Variants in SNX32 observed in about 807,000 individuals in gnomAD.
SNX32 encodes sorting nexin 32, also known as sorting nexin-32.
SNX32 carries 58 observed loss-of-function variants against 57.0 expected under a neutral mutation model. That is an observed-to-expected ratio of 1.02 (90% CI 0.82 to 1.27). The LOEUF (loss-of-function observed/expected upper bound fraction) is 1.27. Ranked by LOEUF, SNX32 falls within the 50% of genes most tolerant of loss-of-function variation. The pLI is 0.00. For synonymous variants in SNX32, 262 were observed against 220.4 expected (o/e 1.19, Z -1.67); for missense variants, 589 against 541.2 (o/e 1.09, Z -0.88).
Position 65,852,508 on chromosome 11 carries a change from C to G in SNX32, c.869C>G (p.Ser290Ter). The G allele has an allele frequency of 6.2e-7, 1 of 1,614,210 alleles. No individual in the cohort carries two copies. ...GCTTCCGATGAGGACCTGAAGCTGT[C>G]AGACATGCTGAGGTACTACATGCGT... ...RVASDEDLKL[S>*]DMLRYYMRDS... Residue 290 changes from serine to a stop codon, truncating the protein, a stop_gained, in exon 10 of 13, where the codon TCA becomes TGA. Transcript: ENST00000308342. LOFTEE classifies it high-confidence loss of function.
Position 65,850,340 on chromosome 11 carries a change from T to C in SNX32, c.374+69T>C, listed in dbSNP as rs184230367. 5.0e-6 allele frequency: 8 copies of C among 1,613,564 alleles called. No individual in the cohort carries two copies. The East Asian group carries it at 1.3e-4, about 27-fold the overall frequency. On this transcript the variant is annotated intron_variant, in intron 4 of 12. Coordinates refer to ENST00000308342, the MANE Select transcript of SNX32 (RefSeq NM_152760.3). Reference sequence around the variant, plus strand: ...TCTTCCCCAGCTATCTCCCCATGAATGTTTAGCAACCCTGACCTCTGACCC... The same window carrying C: ...TCTTCCCCAGCTATCTCCCCATGAACGTTTAGCAACCCTGACCTCTGACCC...
At chr11:65,841,329 TG>T (rs1858835649) in intron 1 of SNX32, among the ~76,000 whole-genome samples, 1 of 151,196 alleles carries the variant, frequency 6.6e-6, no homozygotes, top group African/African-American at 2.4e-5. Flanking sequence ...CTCGACCTTC[TG>T]GGCTCAAGCG....
In SNX32 at chr11:65,853,400, C is replaced by T. The variant is rs1859292669; in HGVS notation, c.*65C>T. 1.3e-6 allele frequency: 2 copies of T among 1,520,542 alleles called. No homozygotes were observed. The highest frequency in any genetic ancestry group is 3.3e-5 in the Admixed American group (2 of 59,810). 94.2% of individuals were successfully genotyped at this position (1,520,542 alleles called of 1,614,324 possible). A position where few individuals can be genotyped will look rare whatever the true frequency, so the allele number is the denominator to read the frequency against. ...AGTGACCAGGGTATCCCAGACCCCT[C>T]TCTCCGGCAAGATGTCTCCTTCCCT... On this transcript the variant is annotated 3_prime_UTR_variant, in exon 13 of 13. Transcript: ENST00000308342.
At chr11:65,851,184 G>C (rs1456477704) in intron 7 of SNX32, 24 bp downstream of exon 7, 2 of 1,608,182 alleles carry the variant, frequency 1.2e-6, no homozygotes, top group South Asian at 1.1e-5. Flanking sequence ...AAGGGGTCCT[G>C]GATCCCCCTG....
rs1591044150 is a variant in SNX32, at chr11:65,853,656, C to A, written c.*321C>A. On this transcript the variant is annotated 3_prime_UTR_variant, in exon 13 of 13. Coordinates refer to ENST00000308342, the MANE Select transcript of SNX32 (RefSeq NM_152760.3). ...CTGAAGGAATCATAGCTCACTTGAT[C>A]CCGGCCTGTTCTCCTTCGCAAATAA... is the stretch of plus-strand genomic sequence containing the variant. 1.4e-5 allele frequency: 6 copies of A among 423,002 alleles called. No individual in the cohort carries two copies. The highest frequency in any genetic ancestry group is 8.4e-5 in the East Asian group (2 of 23,740). The allele number at this position is 423,002 out of a possible 1,614,324, so 26.2% of individuals were successfully genotyped here.
chr11:65,850,421 ACT>A lies in SNX32; in HGVS notation c.375-6_375-5del. On this transcript the variant is annotated splice_region_variant and splice_polypyrimidine_tract_variant and intron_variant, in intron 4 of 12. Coordinates refer to ENST00000308342, the MANE Select transcript of SNX32 (RefSeq NM_152760.3). ...TGAGGAGGGCCGGTGAGCTGCTGCC[ACT>A]CTCGCAGGGAGTACCTGGCCATCTT... 6.2e-7 allele frequency: 1 copy of A among 1,613,700 alleles called. No individual in the cohort carries two copies.
intron 8 of SNX32, 22 bp downstream of exon 8, chr11:65,851,425 A>G (rs948723397): frequency 6.2e-7 from 1 of 1,611,868 alleles, no homozygotes; most frequent in East Asian, 2.2e-5. Context: ...CCCCACCCCT[A>G]CCCTCTCCCT....
At chr11:65,845,980 G>A (rs1348889685) in intron 1 of SNX32, among the ~76,000 whole-genome samples, 2 of 152,130 alleles carry the variant, frequency 1.3e-5, no homozygotes, top group African/African-American at 4.8e-5. Flanking sequence ...AGAATAGGCA[G>A]GCCAGCATAG....
chr11:65,839,887 G>A (rs901485472), intron 1 of SNX32, among the ~76,000 whole-genome samples: 2 of 151,898 alleles, frequency 1.3e-5, no homozygotes, highest in East Asian at 1.9e-4. Flanking sequence ...GGCCGGGCGC[G>A]GTGGCTCACG....
At chr11:65,848,227 G>A (rs1034503323) in intron 1 of SNX32, among the ~76,000 whole-genome samples, 1 of 152,116 alleles carries the variant, frequency 6.6e-6, no homozygotes, top group Non-Finnish European at 1.5e-5. Flanking sequence ...CAATGCTGAA[G>A]GGTAGAGTGA....
chr11:65,850,631 G>C (rs1365575922), intron 5 of SNX32, 77 bp downstream of exon 5: 10 of 1,559,756 alleles, frequency 6.4e-6, no homozygotes, highest in Non-Finnish European at 8.7e-6. Flanking sequence ...AGGGGTGGCA[G>C]GGCTGGAGAA....
Position 65,852,925 on chromosome 11 carries a change from T to G in SNX32, c.1125T>G (p.Ile375Met). The G allele has an allele frequency of 6.2e-7, 1 of 1,614,086 alleles. No individual in the cohort carries two copies. Among genetic ancestry groups the G allele is most frequent in the Non-Finnish European group, 8.5e-7 (1 of 1,179,976 alleles). ...TCTCCTCTTTTCGAAAGAATCTCAT[T>G]GAGCTGGCAGAGCTGGAGCTCAAAC... The part of the protein sequence containing the change: ...RRVSSFRKNL[I>M]ELAELELKHA... The change falls in exon 12 of 13, where the codon ATT becomes ATG. Residue 375 changes from isoleucine (I) to methionine (M), a missense_variant. Coordinates refer to ENST00000308342, the MANE Select transcript of SNX32 (RefSeq NM_152760.3).
chr11:65,836,411 G>A (rs543783042), intron 1 of SNX32, among the ~76,000 whole-genome samples: 125 of 152,198 alleles, frequency 8.2e-4, no homozygotes, highest in Non-Finnish European at 1.6e-3. Flanking sequence ...AGACGTGGTG[G>A]TGCGCACCTG....
chr11:65,837,485 A>G (rs1858698404), intron 1 of SNX32, among the ~76,000 whole-genome samples: 1 of 152,040 alleles, frequency 6.6e-6, no homozygotes, highest in African/African-American at 2.4e-5. Context: ...CTGCACTCCA[A>G]CCTGGGACAC....
At chr11:65,847,468 C>A (rs1859034270) in intron 1 of SNX32, among the ~76,000 whole-genome samples, 2 of 151,886 alleles carry the variant, frequency 1.3e-5, no homozygotes, top group South Asian at 4.2e-4. Flanking sequence ...AGAGCAAGAC[C>A]CTGTCTCCAA....
At chr11:65,851,026 G>A (rs754826898) in intron 6 of SNX32, 29 bp from the exon 7 acceptor site, 5 of 1,595,046 alleles carry the variant, frequency 3.1e-6, no homozygotes, top group African/African-American at 1.3e-5. Flanking sequence ...GTGACCCAGT[G>A]TAAATGGGGT....
chr11:65,834,006 T>G lies in SNX32; in HGVS notation c.-60T>G, dbSNP rs1001829167. On this transcript the variant is annotated 5_prime_UTR_variant, in exon 1 of 13. Coordinates refer to ENST00000308342, the MANE Select transcript of SNX32 (RefSeq NM_152760.3). ...CACTCGGTCAGTTCCTCGGGCGAGTTACGGGGACGACCTGCGGGAGCACGC... is the reference window on the plus strand; with the variant it reads ...CACTCGGTCAGTTCCTCGGGCGAGTGACGGGGACGACCTGCGGGAGCACGC... 2.0e-4 allele frequency: 305 copies of G among 1,541,412 alleles called. No homozygotes were observed. The highest frequency in any genetic ancestry group is 2.6e-4 in the Non-Finnish European group (295 of 1,140,338).
At chr11:65,850,662 C>G in intron 5 of SNX32, 89 bp from the exon 6 acceptor site, 1 of 1,570,690 alleles carries the variant, frequency 6.4e-7, no homozygotes, top group East Asian at 2.3e-5. Flanking sequence ...TGGGCCCAAT[C>G]CTGTGTCACA....
intron 1 of SNX32, among the ~76,000 whole-genome samples, chr11:65,847,724 A>G (rs1859040452): frequency 6.6e-6 from 1 of 152,182 alleles, no homozygotes; most frequent in South Asian, 2.1e-4. Flanking sequence ...AGTCTGGCCA[A>G]CATGGCAAAA....
Sources: allele counts gnomAD v4.1 joint callset (sites outside exome capture counted in the v4.1 genomes callset), GRCh38; gene constraint gnomAD v4.1.1; transcripts MANE v1.5; gene names NCBI Gene and HGNC (gene_info 2026-07-23, HGNC 2026-07-21).